The following CDH7 variants were observed in gnomAD, a reference collection of about 807,000 sequenced individuals.
CDH7 encodes cadherin-7.
CDH7 carries 25 observed loss-of-function variants against 71.8 expected under a neutral mutation model. The observed-to-expected ratio is 0.35, with a 90% confidence interval of 0.25 to 0.49. The LOEUF (loss-of-function observed/expected upper bound fraction) is 0.49. Ranked by LOEUF, CDH7 falls within the 20% of genes least tolerant of loss-of-function variation. CDH7 has a pLI of 0.99. For missense variants in CDH7, 862 were observed against 974.6 expected (o/e 0.88, Z 1.54); for synonymous variants, 381 against 363.8 (o/e 1.05, Z -0.54).
At position 65,751,166 on chromosome 18, in the gene CDH7, T is replaced by G. The variant is rs1915863006; in HGVS notation, c.-197+16T>G. The G allele has an allele frequency of 6.6e-6, 1 of 152,412 alleles. No individual in the cohort carries two copies. Among genetic ancestry groups the G allele is most frequent in the African/African-American group, 2.4e-5 (1 of 41,470 alleles). The allele number at this position is 152,412 out of a possible 1,614,324, so 9.4% of individuals were successfully genotyped here. ...GAGGCCCCAGGTGAGTGTGTCTGCC[T>G]GCGCGGGGCTGGGGAGGCGCCGCTG... On this transcript the variant is annotated intron_variant, in intron 1 of 11. Transcript: ENST00000397968.
At chr18:65,758,614 A>T (rs1916101683) in intron 1 of CDH7, among the ~76,000 whole-genome samples, 1 of 152,230 alleles carries the variant, frequency 6.6e-6, no homozygotes, top group Admixed American at 6.5e-5. Context: ...ATGCCAGTTA[A>T]ATATCCTTGT....
At chr18:65,768,580 T>C (rs1457306938) in intron 2 of CDH7, among the ~76,000 whole-genome samples, 1 of 152,190 alleles carries the variant, frequency 6.6e-6, no homozygotes, top group Non-Finnish European at 1.5e-5. Context: ...AAACGATGAT[T>C]GAGTTTTTTT....
At chr18:65,758,194 C>T (rs1916086731) in intron 1 of CDH7, among the ~76,000 whole-genome samples, 1 of 152,174 alleles carries the variant, frequency 6.6e-6, no homozygotes, top group Non-Finnish European at 1.5e-5. Flanking sequence ...GTTTGGATTA[C>T]TTCTGGTTGA....
At chr18:65,773,909 A>G (rs1017119908) in intron 2 of CDH7, among the ~76,000 whole-genome samples, 1 of 152,066 alleles carries the variant, frequency 6.6e-6, no homozygotes, top group African/African-American at 2.4e-5. Context: ...AAATATTTGA[A>G]GGCAGCATTT....
At chr18:65,848,150 A>G (rs1469493498) in intron 7 of CDH7, among the ~76,000 whole-genome samples, 3 of 152,062 alleles carry the variant, frequency 2.0e-5, no homozygotes, top group Non-Finnish European at 4.4e-5. Context: ...CACGTTTCTG[A>G]GTGATAGAAA....
intron 2 of CDH7, among the ~76,000 whole-genome samples, chr18:65,777,064 G>A (rs8093720): frequency 0.4 from 60,588 of 151,938 alleles, 13,481 homozygotes; most frequent in African/African-American, 0.6. Context: ...AGGAGCTGCC[G>A]TTGCTAACAA....
chr18:65,869,118 C>T (rs1913850754), intron 11 of CDH7, among the ~76,000 whole-genome samples: 1 of 152,128 alleles, frequency 6.6e-6, no homozygotes, highest in Non-Finnish European at 1.5e-5. Context: ...TTCTCGCTTG[C>T]ATCCTCCATG....
intron 2 of CDH7, among the ~76,000 whole-genome samples, chr18:65,798,393 A>C (rs1225561978): frequency 2.0e-5 from 3 of 152,098 alleles, no homozygotes; most frequent in Non-Finnish European, 4.4e-5. Context: ...CCCCTCTGTC[A>C]CCTGTGCCTC....
intron 9 of CDH7, among the ~76,000 whole-genome samples, chr18:65,859,249 G>A (rs144893792): frequency 1.1e-4 from 16 of 152,266 alleles, no homozygotes; most frequent in African/African-American, 3.4e-4. Context: ...AATTCCTCAG[G>A]AAGGAAAGGT....
At chr18:65,761,587 G>T (rs181680523) in intron 1 of CDH7, among the ~76,000 whole-genome samples, 1 of 148,774 alleles carries the variant, frequency 6.7e-6, no homozygotes, top group Non-Finnish European at 1.5e-5. Context: ...TGCCTTAATT[G>T]TTCTATTGTT....
chr18:65,865,717 C>T (rs988132085), intron 11 of CDH7: 2 of 152,048 alleles, frequency 1.3e-5, no homozygotes, highest in African/African-American at 2.4e-5. Context: ...TTTGTCGCCA[C>T]TATTATAGAC....
At chr18:65,821,414 A>T (rs945310451) in intron 4 of CDH7, among the ~76,000 whole-genome samples, 29 of 152,138 alleles carry the variant, frequency 1.9e-4, no homozygotes, top group African/African-American at 6.8e-4. Flanking sequence ...ATGTAGACAC[A>T]CATAAGGATT....
intron 5 of CDH7, among the ~76,000 whole-genome samples, chr18:65,822,671 A>T (rs375343740): frequency 2.4e-4 from 36 of 152,052 alleles, no homozygotes; most frequent in African/African-American, 8.0e-4. Flanking sequence ...AAAATTAAAA[A>T]AGAGTAATAA....
At chr18:65,858,012 T>C in intron 8 of CDH7, 60 bp downstream of exon 8, 1 of 1,518,024 alleles carries the variant, frequency 6.6e-7, no homozygotes, top group Non-Finnish European at 9.0e-7. Context: ...GAATCGATTG[T>C]CATGAGGTTG....
intron 7 of CDH7, among the ~76,000 whole-genome samples, chr18:65,856,890 G>A (rs879181380): frequency 2.6e-5 from 4 of 151,740 alleles, no homozygotes; most frequent in Non-Finnish European, 5.9e-5. Flanking sequence ...TTTCACTGCT[G>A]AAAAAATGTT....
chr18:65,791,776 T>G (rs1910720384), intron 2 of CDH7, among the ~76,000 whole-genome samples: 1 of 152,234 alleles, frequency 6.6e-6, no homozygotes. Flanking sequence ...GGGATTCTGT[T>G]CAGTAAACAC....
intron 6 of CDH7, among the ~76,000 whole-genome samples, chr18:65,838,320 T>A (rs1338843201): frequency 6.6e-6 from 1 of 152,192 alleles, no homozygotes; most frequent in African/African-American, 2.4e-5. Context: ...AGATTTACAT[T>A]TATTTGTTCA....
intron 2 of CDH7, among the ~76,000 whole-genome samples, chr18:65,794,701 A>G (rs541400477): frequency 7.2e-5 from 11 of 152,006 alleles, no homozygotes; most frequent in Middle Eastern, 6.8e-3. Flanking sequence ...CTTCTAAGTC[A>G]TCTCTTCCGA....
intron 2 of CDH7, among the ~76,000 whole-genome samples, chr18:65,792,276 G>C (rs536180568): frequency 1.3e-5 from 2 of 150,280 alleles, no homozygotes; most frequent in Non-Finnish European, 2.9e-5. Flanking sequence ...AAGGACAAAG[G>C]AGGGTTTTCT....
Sources: gnomAD v4.1 joint callset for allele counts (sites outside exome capture counted in the v4.1 genomes callset) on GRCh38, gnomAD v4.1.1 for gene constraint, MANE v1.5 for transcripts, NCBI Gene and HGNC (gene_info 2026-07-23, HGNC 2026-07-21) for gene names.